Variants in TJP3 observed in about 807,000 individuals in gnomAD.
TJP3 encodes tight junction protein ZO-3.
Under a neutral mutation model 104.2 loss-of-function variants are expected in TJP3, and 85 were observed. The observed-to-expected ratio is 0.82, with a 90% CI of 0.68 to 0.98. TJP3 has a LOEUF of 0.98. Ranked by LOEUF, TJP3 falls within the 50% of genes least tolerant of loss-of-function variation. The probability of loss-of-function intolerance (pLI) is 0.00; values close to 1 mark genes in which losing one functional copy is unlikely to be tolerated. For synonymous variants in TJP3, 550 were observed against 550.6 expected, an observed-to-expected ratio of 1.00 and a Z score of 0.02; for missense variants, 1,367 against 1,322.8, an observed-to-expected ratio of 1.03 and a Z score of -0.52.
intron 1 of TJP3, among the ~76,000 whole-genome samples, chr19:3,709,873 G>A (rs1179560710): frequency 6.6e-6 from 1 of 152,164 alleles, no homozygotes; most frequent in Non-Finnish European, 1.5e-5. Flanking sequence ...TTGAGGGCCG[G>A]GCGCGGTGGC....
chr19:3,748,181 A>G lies in TJP3; in HGVS notation c.2610+100A>G. The G allele has an allele frequency of 2.1e-6, 3 of 1,407,620 alleles. No homozygotes were observed. In the South Asian group the frequency reaches 4.5e-5, roughly 21 times the overall value. 87.2% of individuals were successfully genotyped at this position (1,407,620 alleles called of 1,614,324 possible). ...GAGCCTGTTTTCTACCAGGACGTCA[A>G]CAAACACGGCTTCCCTGGTCAGACT... is the stretch of plus-strand genomic sequence containing the variant. On this transcript the variant is annotated intron_variant, in intron 19 of 20. Transcript: ENST00000541714.
rs2036437781 is a variant in TJP3 at position 3,711,889 on chromosome 19, T to C, written c.-10+3328T>C. ...AAAATAGAAATGGGGTTTTGCTGTG[T>C]TGGCCGGCCTGGTCTCGAGCTTCTG... On this transcript the variant is annotated intron_variant, in intron 1 of 20. Transcript: ENST00000541714. Among the ~76,000 whole-genome samples the C allele has an allele frequency of 2.0e-5, 3 of 152,276 alleles. No homozygotes were observed. In the South Asian group the frequency reaches 6.2e-4, roughly 32 times the overall value.
chr19:3,748,365 A>C (rs2036936037), intron 19 of TJP3, among the ~76,000 whole-genome samples: 1 of 141,618 alleles, frequency 7.1e-6, no homozygotes. Context: ...TCCACCTCCC[A>C]GGTTCAAGCG....
intron 1 of TJP3, among the ~76,000 whole-genome samples, chr19:3,718,318 A>G (rs2036509051): frequency 6.7e-6 from 1 of 149,898 alleles, no homozygotes; most frequent in South Asian, 2.1e-4. Flanking sequence ...CCTGGCCTCA[A>G]GAGATCCTCC....
chr19:3,725,275 CCAAT>C (rs969318990), intron 1 of TJP3, among the ~76,000 whole-genome samples: 2 of 149,956 alleles, frequency 1.3e-5, no homozygotes, highest in African/African-American at 2.5e-5. Flanking sequence ...AACCAAACAA[CCAAT>C]CAACCAACCA....
At chr19:3,731,433 G>A (rs776147188) in intron 5 of TJP3, among the ~76,000 whole-genome samples, 54 of 152,080 alleles carry the variant, frequency 3.6e-4, no homozygotes, top group Non-Finnish European at 7.2e-4. Context: ...AGTAGTTCTA[G>A]ACCAGCCTGA....
intron 1 of TJP3, among the ~76,000 whole-genome samples, chr19:3,722,856 C>CGG (rs57421122): frequency 0.1 from 1,133 of 11,118 alleles, 98 homozygotes; most frequent in South Asian, 0.17. Context: ...GATGGGGTGG[C>CGG]GGGGGGGGGG....
intron 14 of TJP3, chr19:3,743,552 C>T (rs1389380061): frequency 5.8e-6 from 1 of 172,372 alleles, no homozygotes; most frequent in Non-Finnish European, 1.2e-5. Flanking sequence ...TTTGATAAAA[C>T]TTTATTGACG....
At chr19:3,710,588 C>T (rs1340244796) in intron 1 of TJP3, among the ~76,000 whole-genome samples, 2 of 152,180 alleles carry the variant, frequency 1.3e-5, no homozygotes, top group Non-Finnish European at 2.9e-5. Context: ...TTAGGGCTGG[C>T]CAGGGGCCAG....
chr19:3,742,680 C>T (rs370451045), intron 14 of TJP3, among the ~76,000 whole-genome samples: 3 of 146,524 alleles, frequency 2.0e-5, no homozygotes, highest in Non-Finnish European at 3.0e-5. Flanking sequence ...TGGTGGCTCA[C>T]GCCTGTAATC....
At chr19:3,721,992 C>G (rs2036546712) in intron 1 of TJP3, 1 of 783,038 alleles carries the variant, frequency 1.3e-6, no homozygotes, top group Non-Finnish European at 1.7e-6. Context: ...GGAGTCGGAC[C>G]CAGGACCCCA....
At chr19:3,744,186 A>C in intron 15 of TJP3, 152 bp downstream of exon 15, 1 of 660,790 alleles carries the variant, frequency 1.5e-6, no homozygotes. Flanking sequence ...AGACATCCTC[A>C]ATCCATCTTG....
chr19:3,749,253 G>A (rs184453238), intron 19 of TJP3, among the ~76,000 whole-genome samples: 58 of 152,226 alleles, frequency 3.8e-4, no homozygotes, highest in African/African-American at 1.3e-3. Flanking sequence ...GGCACAGGGC[G>A]GTGGTGAGCA....
At chr19:3,736,356 A>G (rs549620198) in intron 11 of TJP3, 35 bp downstream of exon 11, 2 of 1,497,510 alleles carry the variant, frequency 1.3e-6, no homozygotes, top group South Asian at 2.7e-5. Context: ...CCCACTGATC[A>G]TGGGCGTGCA....
intron 1 of TJP3, among the ~76,000 whole-genome samples, chr19:3,723,486 C>G (rs1388941547): frequency 6.6e-6 from 1 of 151,992 alleles, no homozygotes; most frequent in Non-Finnish European, 1.5e-5. Flanking sequence ...TTTTTAGATG[C>G]CTTGAATAAA....
rs139086031 is a variant in TJP3, at chr19:3,747,854, G to A, written c.2383G>A (p.Ala795Thr). The A allele has an allele frequency of 2.6e-4, 411 of 1,611,360 alleles. No individual in the cohort carries two copies. The highest frequency in any genetic ancestry group is 3.4e-4 in the Non-Finnish European group (397 of 1,179,750). Residue 795 changes from alanine (A) to threonine (T), a missense_variant, in exon 19 of 21, where the codon GCT becomes ACT. Transcript: ENST00000541714. ...TCACCACGGCCTGGCCGACAGCTCC[G>A]CTGACCTCAGCTGCGACAGCCGCGT... ...LPHHGLADSS[A>T]DLSCDSRVNS...
chr19:3,729,088 T>A (rs1235405385), intron 3 of TJP3, among the ~76,000 whole-genome samples: 1 of 152,080 alleles, frequency 6.6e-6, no homozygotes, highest in African/African-American at 2.4e-5. Flanking sequence ...GAAACCTTTG[T>A]GAGCCTGGCA....
chr19:3,717,407 A>T (rs1277138126), intron 1 of TJP3, among the ~76,000 whole-genome samples: 3 of 70,092 alleles, frequency 4.3e-5, no homozygotes, highest in Non-Finnish European at 5.8e-5. Context: ...GCCATAGCTT[A>T]TATATATATA....
chr19:3,711,387 C>G (rs1476091034), intron 1 of TJP3, among the ~76,000 whole-genome samples: 3 of 139,252 alleles, frequency 2.2e-5, no homozygotes, highest in Non-Finnish European at 4.6e-5. Context: ...TTAGTAGAGA[C>G]AGGGTTTCAC....
Sources: gnomAD v4.1 joint callset for allele counts (sites outside exome capture counted in the v4.1 genomes callset) on GRCh38, gnomAD v4.1.1 for gene constraint, MANE v1.5 for transcripts, NCBI Gene and HGNC (gene_info 2026-07-23, HGNC 2026-07-21) for gene names.